The following TNR variants were observed in gnomAD, a reference collection of about 807,000 sequenced individuals.
The protein encoded by TNR is tenascin R, also known as tenascin-R.
In TNR, 45 loss-of-function variants were observed where a neutral mutation model predicts 150.4. That is an observed-to-expected ratio of 0.30 (90% CI 0.24 to 0.38). The LOEUF (loss-of-function observed/expected upper bound fraction) is 0.38. Among genes scored for constraint, TNR ranks in the 10% least tolerant of loss-of-function variants. TNR has a pLI of 1.00. For missense variants in TNR, 1,544 were observed against 1,759.1 expected, an observed-to-expected ratio of 0.88 and a Z score of 2.19; for synonymous variants, 687 against 678.4, an observed-to-expected ratio of 1.01 and a Z score of -0.20.
intron 1 of TNR, among the ~76,000 whole-genome samples, chr1:175,551,279 T>C (rs879378108): frequency 1.3e-5 from 2 of 152,212 alleles, no homozygotes; most frequent in Non-Finnish European, 2.9e-5. Context: ...CATAATGATA[T>C]ATACTCAATC....
chr1:175,507,723 C>T (rs1201460520), intron 2 of TNR, among the ~76,000 whole-genome samples: 1 of 152,220 alleles, frequency 6.6e-6, no homozygotes, highest in Non-Finnish European at 1.5e-5. Context: ...TGTTTTCATG[C>T]AGTACCCAGA....
At chr1:175,422,793 G>T (rs993255394) in intron 2 of TNR, among the ~76,000 whole-genome samples, 1 of 152,206 alleles carries the variant, frequency 6.6e-6, no homozygotes, top group Non-Finnish European at 1.5e-5. Context: ...CTGAGAAACT[G>T]GTTTCCTGGA....
At chr1:175,515,853 T>G (rs748494021) in intron 2 of TNR, among the ~76,000 whole-genome samples, 3 of 152,172 alleles carry the variant, frequency 2.0e-5, no homozygotes, top group Non-Finnish European at 4.4e-5. Context: ...AGGACTAAAC[T>G]AAAGTGTATT....
intron 7 of TNR, among the ~76,000 whole-genome samples, chr1:175,389,212 A>G (rs555291269): frequency 1.1e-4 from 17 of 152,232 alleles, no homozygotes; most frequent in Non-Finnish European, 1.9e-4. Flanking sequence ...CAGCCCCGGA[A>G]GCAAGCAAGG....
chr1:175,554,339 CAAAAAAAAA>C (rs5778860), intron 1 of TNR, among the ~76,000 whole-genome samples: 6,094 of 115,182 alleles, frequency 0.053, 138 homozygotes, highest in South Asian at 0.094. Context: ...TCCTACATGG[CAAAAAAAAA>C]AAAAAAAAAA....
intron 5 of TNR, among the ~76,000 whole-genome samples, chr1:175,394,912 C>A (rs1653353451): frequency 6.6e-6 from 1 of 152,146 alleles, no homozygotes; most frequent in South Asian, 2.1e-4. Context: ...GCATGTGGAT[C>A]AGAGAGGAGA....
intron 21 of TNR, 62 bp from the exon 22 acceptor site, chr1:175,324,581 GAC>G: frequency 6.3e-7 from 1 of 1,576,082 alleles, no homozygotes; most frequent in Non-Finnish European, 8.6e-7. Flanking sequence ...GGATTTTCTG[GAC>G]ACTTGACCCA....
At chr1:175,484,753 A>G (rs1366721952) in intron 2 of TNR, among the ~76,000 whole-genome samples, 2 of 152,234 alleles carry the variant, frequency 1.3e-5, no homozygotes, top group African/African-American at 4.8e-5. Flanking sequence ...TCAGCAAAGA[A>G]AGGAATAAAG....
At chr1:175,590,612 G>T (rs887102004) in intron 1 of TNR, among the ~76,000 whole-genome samples, 8 of 152,242 alleles carry the variant, frequency 5.3e-5, no homozygotes, top group East Asian at 1.9e-4. Flanking sequence ...CAAGGACAGT[G>T]TTGGCACAAA....
intron 1 of TNR, among the ~76,000 whole-genome samples, chr1:175,561,897 T>C (rs1042660143): frequency 1.3e-5 from 2 of 152,208 alleles, no homozygotes; most frequent in South Asian, 2.1e-4. Context: ...TCAGTGGCCA[T>C]GATCCATTGG....
intron 1 of TNR, among the ~76,000 whole-genome samples, chr1:175,530,078 T>C (rs75181582): frequency 0.019 from 2,834 of 152,306 alleles, 43 homozygotes; most frequent in Non-Finnish European, 0.029. Context: ...AAAGTCAATA[T>C]AAAAATGTAT....
chr1:175,731,328 T>A (rs1667635071), intron 1 of TNR, among the ~76,000 whole-genome samples: 1 of 152,224 alleles, frequency 6.6e-6, no homozygotes, highest in Non-Finnish European at 1.5e-5. Context: ...GGCAAGTCAC[T>A]GAAACTCTAT....
At chr1:175,465,507 C>A (rs547961808) in intron 2 of TNR, among the ~76,000 whole-genome samples, 1 of 152,298 alleles carries the variant, frequency 6.6e-6, no homozygotes, top group East Asian at 1.9e-4. Flanking sequence ...TAAGAAGATG[C>A]TTGCTTTTCC....
rs1388472056 is a variant in TNR at position 175,386,181 on chromosome 1, C to T, written c.1628G>A (p.Gly543Glu). 2 of 1,612,614 alleles carry T rather than the reference C, an allele frequency of 1.2e-6. No individual in the cohort carries two copies. The highest frequency in any genetic ancestry group is 3.3e-5 in the Admixed American group (2 of 59,946). The change falls in exon 8 of 23, where the codon GGG (glycine) becomes GAG (glutamate). Residue 543 changes from glycine (G) to glutamate (E), a missense_variant. Physicochemically the swap from Gly to Glu is moderately conservative, Grantham distance 98. Around this residue, in one of 2 missense-constraint regions of TNR, gnomAD observed 1,254 missense variants for 1,329.4 expected, o/e 0.94. Transcript: ENST00000367674. ...FILLKYGLVG[G>E]EGGRTTFRLQ... ...CCGGAAGGTGGTCCTCCCACCTTCC[C>T]CGCCCACCAGGCCATATTTCAAAAG...
intron 1 of TNR, among the ~76,000 whole-genome samples, chr1:175,723,678 C>T (rs7521830): frequency 6.6e-6 from 1 of 152,138 alleles, no homozygotes; most frequent in Non-Finnish European, 1.5e-5. Flanking sequence ...TCGAGGCCAG[C>T]CTGGCCAACA....
chr1:175,654,486 G>T (rs893143901), intron 1 of TNR, among the ~76,000 whole-genome samples: 2 of 152,084 alleles, frequency 1.3e-5, no homozygotes, highest in Non-Finnish European at 2.9e-5. Context: ...CTCTTGACTT[G>T]GTGGGGATCA....
chr1:175,510,984 A>G (rs1376821438), intron 2 of TNR, among the ~76,000 whole-genome samples: 2 of 152,266 alleles, frequency 1.3e-5, no homozygotes, highest in African/African-American at 2.4e-5. Context: ...GGCAAAAAAT[A>G]TCACCAACAT....
At chr1:175,386,567 G>T (rs772753010) in intron 7 of TNR, among the ~76,000 whole-genome samples, 3 of 152,130 alleles carry the variant, frequency 2.0e-5, no homozygotes, top group Non-Finnish European at 2.9e-5. Flanking sequence ...CCCAGTCTGG[G>T]CAGGGGAAGG....
intron 18 of TNR, among the ~76,000 whole-genome samples, chr1:175,341,314 C>A (rs903962753): frequency 6.6e-6 from 1 of 152,184 alleles, no homozygotes; most frequent in Non-Finnish European, 1.5e-5. Flanking sequence ...GGTGCAATAA[C>A]TGGAGCCTAG....
Sources: gnomAD v4.1 joint callset for allele counts (sites outside exome capture counted in the v4.1 genomes callset) on GRCh38, gnomAD v4.1.1 for gene constraint, gnomAD v4.1.1 regional missense constraint, MANE v1.5 for transcripts, NCBI Gene and HGNC (gene_info 2026-07-23, HGNC 2026-07-21) for gene names.